Variants in ERO1A observed in about 807,000 individuals in gnomAD.
ERO1A encodes endoplasmic reticulum oxidoreductase 1 alpha.
ERO1A carries 49 observed loss-of-function variants against 76.9 expected under a neutral mutation model. The ratio of observed to expected loss-of-function variants is 0.64; its 90% CI spans 0.51 to 0.81. The LOEUF is 0.81. ERO1A is among the 30% of genes least tolerant of loss of function. ERO1A has a pLI of 0.00. For synonymous variants in ERO1A, 174 were observed against 181.2 expected (o/e 0.96, Z 0.32); for missense variants, 448 against 542.1 (o/e 0.83, Z 1.72).
intron 3 of ERO1A, among the ~76,000 whole-genome samples, chr14:52,680,727 A>ATTAAAG (rs996901060): frequency 6.6e-6 from 1 of 152,216 alleles, no homozygotes; most frequent in Non-Finnish European, 1.5e-5. Flanking sequence ...TGATATGCTC[A>ATTAAAG]TGCTTTAATA....
At chr14:52,655,977 CAT>C (rs2040029856) in intron 11 of ERO1A, among the ~76,000 whole-genome samples, 1 of 152,252 alleles carries the variant, frequency 6.6e-6, no homozygotes, top group Admixed American at 6.5e-5. Flanking sequence ...AATTACGCCA[CAT>C]AGTTAACATT....
intron 9 of ERO1A, among the ~76,000 whole-genome samples, chr14:52,660,030 C>T (rs924773697): frequency 6.6e-6 from 1 of 151,828 alleles, no homozygotes. Flanking sequence ...GACAGGGTTT[C>T]ACCAGGTTAG....
intron 15 of ERO1A, 95 bp downstream of exon 15, chr14:52,646,059 A>G (rs895419765): frequency 7.6e-7 from 1 of 1,317,200 alleles, no homozygotes; most frequent in Non-Finnish European, 1.0e-6. Flanking sequence ...CAAATAAAAT[A>G]AAAAGGATAT....
intron 4 of ERO1A, among the ~76,000 whole-genome samples, chr14:52,676,875 CAAA>C (rs150557631): frequency 6.0e-5 from 8 of 133,600 alleles, no homozygotes; most frequent in African/African-American, 8.3e-5. Context: ...CTATCTACCC[CAAA>C]AAAAAAAAAA....
intron 6 of ERO1A, among the ~76,000 whole-genome samples, chr14:52,668,506 T>C (rs762514173): frequency 7.1e-4 from 107 of 151,654 alleles, no homozygotes; most frequent in Non-Finnish European, 1.1e-3. Flanking sequence ...GATCACACCA[T>C]TGCACTCCAG....
intron 9 of ERO1A, chr14:52,658,381 TTGACC>T: frequency 2.2e-6 from 1 of 459,066 alleles, no homozygotes. Flanking sequence ...TTGCCTTAGG[TTGACC>T]CAGTCTCATA....
At chr14:52,671,941 T>C in intron 4 of ERO1A, 70 bp from the exon 5 acceptor site, 1 of 1,027,394 alleles carries the variant, frequency 9.7e-7, no homozygotes, top group Non-Finnish European at 1.5e-6. Context: ...AATTTAGAAG[T>C]TATCTGAAGC....
chr14:52,664,598 G>A (rs1032065870), intron 7 of ERO1A, among the ~76,000 whole-genome samples: 1 of 152,110 alleles, frequency 6.6e-6, no homozygotes, highest in Admixed American at 6.5e-5. Flanking sequence ...GAAATTATGG[G>A]AATCAGGACA....
In ERO1A at chr14:52,652,947, A is replaced by C. The variant is rs916134699; in HGVS notation, c.1055+122T>G. 2.6e-5 allele frequency: 17 copies of C among 650,466 alleles called. 1 individual carries two copies. Among genetic ancestry groups the C allele is most frequent in the Admixed American group, 2.3e-4 (8 of 34,442 alleles). The allele number at this position is 650,466 out of a possible 1,614,324, so 40.3% of individuals were successfully genotyped here. A position where few individuals can be genotyped will look rare whatever the true frequency, so the allele number is the denominator to read the frequency against. On this transcript the variant is annotated intron_variant, in intron 12 of 15. Coordinates refer to ENST00000395686, the MANE Select transcript of ERO1A (RefSeq NM_014584.3). Reference sequence around the variant, plus strand: ...GAAATCAAGGCTGCAGTGAGCCATGACCGTGCCACTGCACTCCAGCCTGGG... The same window carrying C: ...GAAATCAAGGCTGCAGTGAGCCATGCCCGTGCCACTGCACTCCAGCCTGGG...
intron 9 of ERO1A, among the ~76,000 whole-genome samples, chr14:52,660,718 G>A (rs2040203373): frequency 6.6e-6 from 1 of 152,214 alleles, no homozygotes; most frequent in Admixed American, 6.5e-5. Flanking sequence ...CACCTAGATA[G>A]ACTAAAGCTA....
chr14:52,666,918 G>A (rs755393311), intron 6 of ERO1A, among the ~76,000 whole-genome samples: 1 of 152,182 alleles, frequency 6.6e-6, no homozygotes, highest in Non-Finnish European at 1.5e-5. Context: ...GTGACAGAGC[G>A]AGACTCCGTC....
At chr14:52,687,948 G>A (rs1222663710) in intron 1 of ERO1A, among the ~76,000 whole-genome samples, 3 of 152,150 alleles carry the variant, frequency 2.0e-5, no homozygotes, top group African/African-American at 4.8e-5. Context: ...CACTTTGAGA[G>A]GTGAAGGCAG....
In ERO1A at chr14:52,657,980, T is replaced by C. The variant is rs1374061934; in HGVS notation, c.745A>G (p.Arg249Gly). The change falls in exon 11 of 16, where the codon AGA (arginine) becomes GGA (glycine). Residue 249 changes from arginine (R) to glycine (G), a missense_variant. Around this residue, in one of 2 missense-constraint regions of ERO1A, gnomAD observed 302 missense variants for 411.9 expected, o/e 0.73. Transcript: ENST00000395686. ...GLCVEKRAFYRLISGLHASIN... is the reference protein window; with the variant it reads ...GLCVEKRAFYGLISGLHASIN... The stretch of plus-strand genomic sequence containing the variant: ...CTTGCATGTAGGCCAGATATAAGTC[T>C]GTAGAATGCTCTTTTTTCTACACAG... 2 of 1,611,930 alleles carry C rather than the reference T, an allele frequency of 1.2e-6. No individual in the cohort carries two copies. Among genetic ancestry groups the C allele is most frequent in the South Asian group, 1.1e-5 (1 of 90,336 alleles).
In ERO1A at chr14:52,658,126, TC is replaced by T; in HGVS notation, c.712del (p.Glu238LysfsTer5). 6.6e-7 allele frequency: 1 copy of T among 1,509,202 alleles called. No individual in the cohort carries two copies. Among genetic ancestry groups the T allele is most frequent in the Non-Finnish European group, 9.1e-7 (1 of 1,096,810 alleles). 93.5% of individuals were successfully genotyped at this position (1,509,202 alleles called of 1,614,324 possible). A position where few individuals can be genotyped will look rare whatever the true frequency, so the allele number is the denominator to read the frequency against. ...SEENTFYSWLEGLCVEKRAFY... is the reference protein window; with the variant it reads ...SEENTFYSWLXGLCVEKRAFY... ...TTTATTTTAAAGTTTCTAATTACCTTCTAGCCAACTGTAAAAAGTGTTCTCT... is the reference window on the plus strand; with the variant it reads ...TTTATTTTAAAGTTTCTAATTACCTTTAGCCAACTGTAAAAAGTGTTCTCT... On this transcript the variant is annotated frameshift_variant, in exon 10 of 16. Coordinates refer to ENST00000395686, the MANE Select transcript of ERO1A (RefSeq NM_014584.3). LOFTEE classifies it high-confidence loss of function.
intron 12 of ERO1A, among the ~76,000 whole-genome samples, chr14:52,652,544 T>C (rs977075354): frequency 1.3e-5 from 2 of 152,050 alleles, no homozygotes; most frequent in African/African-American, 4.8e-5. Flanking sequence ...TAATACATTA[T>C]CAAATACTAA....
intron 3 of ERO1A, among the ~76,000 whole-genome samples, chr14:52,680,010 A>G (rs944476610): frequency 6.6e-6 from 1 of 151,502 alleles, no homozygotes; most frequent in African/African-American, 2.4e-5. Context: ...CAGTGAGCCA[A>G]GATCATGCCA....
chr14:52,687,348 T>G (rs1440210908), intron 1 of ERO1A, among the ~76,000 whole-genome samples: 1 of 152,166 alleles, frequency 6.6e-6, no homozygotes, highest in East Asian at 1.9e-4. Context: ...GAGGATGGCT[T>G]GAGCCTGGGA....
chr14:52,653,814 A>C (rs1470803699), intron 11 of ERO1A, among the ~76,000 whole-genome samples: 1 of 152,024 alleles, frequency 6.6e-6, no homozygotes, highest in Non-Finnish European at 1.5e-5. Context: ...AGTTCTGCTT[A>C]AACATTTAAA....
At chr14:52,647,688 A>C (rs1380537795) in intron 13 of ERO1A, among the ~76,000 whole-genome samples, 1 of 152,210 alleles carries the variant, frequency 6.6e-6, no homozygotes, top group African/African-American at 2.4e-5. Context: ...AAAGAAGGGA[A>C]GCCAAGAACA....
Sources: allele counts gnomAD v4.1 joint callset (sites outside exome capture counted in the v4.1 genomes callset), GRCh38; gene constraint gnomAD v4.1.1; regional missense constraint gnomAD v4.1.1; transcripts MANE v1.5; gene names NCBI Gene and HGNC (gene_info 2026-07-23, HGNC 2026-07-21).